Variants in SNX29 observed in about 807,000 individuals in gnomAD.
The protein encoded by SNX29 is sorting nexin 29, also known as sorting nexin-29.
In SNX29, 78 loss-of-function variants were observed where a neutral mutation model predicts 102.1. The observed-to-expected ratio is 0.76, with a 90% CI of 0.64 to 0.92. The LOEUF is 0.92. SNX29 is among the 40% of genes least tolerant of loss of function. The probability of loss-of-function intolerance (pLI) is 0.00; values close to 1 mark genes in which losing one functional copy is unlikely to be tolerated. For synonymous variants in SNX29, 580 were observed against 414.5 expected, an observed-to-expected ratio of 1.40 and a Z score of -4.85; for missense variants, 1,280 against 1,061.7, an observed-to-expected ratio of 1.21 and a Z score of -2.86.
intron 18 of SNX29, among the ~76,000 whole-genome samples, chr16:12,418,815 A>G (rs927198987): frequency 7.9e-5 from 12 of 152,146 alleles, no homozygotes; most frequent in Non-Finnish European, 1.8e-4. Flanking sequence ...GCACCTGGCC[A>G]TGTTTCCAAG....
At chr16:12,099,605 TG>T (rs570089579) in intron 11 of SNX29, among the ~76,000 whole-genome samples, 7 of 152,134 alleles carry the variant, frequency 4.6e-5, no homozygotes, top group Non-Finnish European at 7.4e-5. Context: ...CCGGTGAGGG[TG>T]GAGTCCTGTC....
chr16:12,115,851 C>T (rs1256806571), intron 11 of SNX29, among the ~76,000 whole-genome samples: 1 of 152,138 alleles, frequency 6.6e-6, no homozygotes, highest in Non-Finnish European at 1.5e-5. Context: ...AGTGAGTGAG[C>T]CTCTTGTGTA....
At position 12,572,260 on chromosome 16, in the gene SNX29, C is replaced by G; in HGVS notation, c.*3631C>G. On this transcript the variant is annotated 3_prime_UTR_variant, in exon 21 of 21. Coordinates refer to ENST00000566228, the MANE Select transcript of SNX29 (RefSeq NM_032167.5). ...TACACCAGGTGGATTGATACCATGG[C>G]TGTAGCTGATGCAACTAACAAGTAC... is the stretch of plus-strand genomic sequence containing the variant. The G allele has an allele frequency of 9.5e-7, 1 of 1,057,168 alleles. No individual in the cohort carries two copies. Among genetic ancestry groups the G allele is most frequent in the Admixed American group, 5.4e-5 (1 of 18,648 alleles). The allele number at this position is 1,057,168 out of a possible 1,614,324, so 65.5% of individuals were successfully genotyped here. A position where few individuals can be genotyped will look rare whatever the true frequency, so the allele number is the denominator to read the frequency against.
chr16:12,299,778 AAT>A (rs1491338149), intron 15 of SNX29, among the ~76,000 whole-genome samples: 4 of 120,832 alleles, frequency 3.3e-5, no homozygotes, highest in Non-Finnish European at 6.2e-5. Context: ...TCAAATTTCG[AAT>A]TTTTTTTTTT....
intron 11 of SNX29, among the ~76,000 whole-genome samples, chr16:12,099,258 G>T (rs553599269): frequency 6.6e-6 from 1 of 152,194 alleles, no homozygotes; most frequent in Admixed American, 6.5e-5. Context: ...CTGCGAGGTG[G>T]TCAGCTCAGC....
At chr16:12,256,162 T>G (rs1399938999) in intron 14 of SNX29, among the ~76,000 whole-genome samples, 1 of 152,268 alleles carries the variant, frequency 6.6e-6, no homozygotes, top group East Asian at 1.9e-4. Flanking sequence ...GTTGGCCGTT[T>G]GGATGTCTTC....
rs1424442249 is a variant in SNX29, at chr16:12,568,566, C to G, written c.2379C>G (p.Pro793=). Residue 793 remains proline (P), a synonymous_variant, in exon 21 of 21, where the codon CCC becomes CCG. Transcript: ENST00000566228. ...NSRPKAASRF[P]KLSRGQPRET... ...GGCCCAAAGCAGCTTCCCGCTTCCC[C>G]AAACTGTCCCGGGGTCAGCCCCGGG... The G allele has an allele frequency of 6.2e-7, 1 of 1,608,424 alleles. No individual in the cohort carries two copies. The highest frequency in any genetic ancestry group is 1.1e-5 in the South Asian group (1 of 91,078).
chr16:12,441,859 G>C (rs140109708), intron 18 of SNX29, among the ~76,000 whole-genome samples: 79 of 152,318 alleles, frequency 5.2e-4, no homozygotes, highest in African/African-American at 1.4e-3. Context: ...CGTGATCTCA[G>C]ATCCCTGCAA....
rs369748502 is a variant in SNX29 at position 12,273,974 on chromosome 16, A to G, written c.1679-3959A>G. ...TGCATGGCTAGACCGCATCTTGTTCACTTACCAGGTGATGGCCATTTGGGT... is the reference window on the plus strand; with the variant it reads ...TGCATGGCTAGACCGCATCTTGTTCGCTTACCAGGTGATGGCCATTTGGGT... On this transcript the variant is annotated intron_variant, in intron 14 of 20. Coordinates refer to ENST00000566228, the MANE Select transcript of SNX29 (RefSeq NM_032167.5). Among the ~76,000 whole-genome samples the G allele has an allele frequency of 2.0e-5, 3 of 152,016 alleles. No individual in the cohort carries two copies. The East Asian group carries it at 5.8e-4, about 29-fold the overall frequency.
intron 13 of SNX29, among the ~76,000 whole-genome samples, chr16:12,139,979 TCAAAAAAA>T (rs1353727197): frequency 1.6e-5 from 1 of 63,058 alleles, no homozygotes; most frequent in African/African-American, 6.5e-5. Context: ...ATACCCTGTC[TCAAAAAAA>T]AAAAAAAAAA....
Position 12,094,155 on chromosome 16 carries a change from A to T in SNX29, c.1402+15240A>T, listed in dbSNP as rs1159578019. ...ATGGGGCTATCATAGTACCCCTCTG[A>T]CACAGTTGTGAGGATTAAATGAACT... On this transcript the variant is annotated intron_variant, in intron 11 of 20. Transcript: ENST00000566228. Among the ~76,000 whole-genome samples the T allele has an allele frequency of 3.9e-5, 6 of 152,190 alleles. No homozygotes were observed. In the East Asian group the frequency reaches 1.2e-3, roughly 29 times the overall value.
At chr16:12,427,222 C>T (rs1240026780) in intron 18 of SNX29, among the ~76,000 whole-genome samples, 3 of 152,004 alleles carry the variant, frequency 2.0e-5, no homozygotes. Flanking sequence ...TGTCACCATG[C>T]AGGGTTTCAG....
intron 14 of SNX29, among the ~76,000 whole-genome samples, chr16:12,220,988 T>G (rs1277735543): frequency 2.0e-5 from 3 of 152,222 alleles, no homozygotes; most frequent in African/African-American, 7.2e-5. Flanking sequence ...ACACATTAAG[T>G]ACGTCTTTAT....
In SNX29 at chr16:12,139,979, T is replaced by TGAAAAAAAA. The variant is rs144110763; in HGVS notation, c.1595+10221_1595+10222insGAAAAAAAA. Among the ~76,000 whole-genome samples, 7 of 63,054 alleles carry TGAAAAAAAA rather than the reference T, an allele frequency of 1.1e-4. 2 individuals are homozygous for TGAAAAAAAA. Among genetic ancestry groups the TGAAAAAAAA allele is most frequent in the East Asian group, 4.6e-4 (1 of 2,166 alleles). 41.4% of individuals were successfully genotyped at this position (63,054 alleles called of 152,430 possible). ...CTGGGAGACAGAGAGATACCCTGTCTCAAAAAAAAAAAAAAAAAAAAAAAA... is the reference window on the plus strand; with the variant it reads ...CTGGGAGACAGAGAGATACCCTGTCTGAAAAAAAACAAAAAAAAAAAAAAAAAAAAAAAA... On this transcript the variant is annotated intron_variant, in intron 13 of 20. Transcript: ENST00000566228.
intron 14 of SNX29, among the ~76,000 whole-genome samples, chr16:12,211,218 G>A (rs772338511): frequency 1.5e-4 from 23 of 152,244 alleles, no homozygotes; most frequent in Non-Finnish European, 2.5e-4. Flanking sequence ...CAGGCCCAAG[G>A]AGACTCCTCA....
intron 15 of SNX29, among the ~76,000 whole-genome samples, chr16:12,279,833 G>A (rs2079375583): frequency 6.6e-6 from 1 of 152,214 alleles, no homozygotes; most frequent in Non-Finnish European, 1.5e-5. Context: ...GCTAGAGAAG[G>A]TGAAAGGGTT....
At chr16:12,465,375 A>C (rs1229611847) in intron 18 of SNX29, among the ~76,000 whole-genome samples, 1 of 152,138 alleles carries the variant, frequency 6.6e-6, no homozygotes, top group Non-Finnish European at 1.5e-5. Context: ...AATCTATTTC[A>C]TGATAATTTT....
chr16:12,249,843 T>C (rs950785985), intron 14 of SNX29, among the ~76,000 whole-genome samples: 1 of 152,214 alleles, frequency 6.6e-6, no homozygotes, highest in African/African-American at 2.4e-5. Flanking sequence ...CCCCATTAAC[T>C]CATGTATTCC....
intron 3 of SNX29, among the ~76,000 whole-genome samples, chr16:12,015,527 C>A (rs1384696155): frequency 1.4e-5 from 2 of 142,404 alleles, no homozygotes; most frequent in Non-Finnish European, 1.5e-5. Context: ...CGTGAGCCAC[C>A]GTGCCTGGTC....
Sources: allele counts gnomAD v4.1 joint callset (sites outside exome capture counted in the v4.1 genomes callset), GRCh38; gene constraint gnomAD v4.1.1; transcripts MANE v1.5; gene names NCBI Gene and HGNC (gene_info 2026-07-23, HGNC 2026-07-21).